Variants in HPSE2 observed in about 807,000 individuals in gnomAD.
HPSE2 encodes the protein heparanase 2 (inactive).
Under a neutral mutation model 60.5 loss-of-function variants are expected in HPSE2, and 38 were observed. The observed-to-expected ratio is 0.63, with a 90% CI of 0.48 to 0.82. HPSE2 has a LOEUF of 0.82. HPSE2 is among the 40% of genes least tolerant of loss of function. HPSE2 has a pLI of 0.00. For synonymous variants in HPSE2, 295 were observed against 293.2 expected (o/e 1.01, Z -0.06); for missense variants, 713 against 740.4 (o/e 0.96, Z 0.43).
chr10:98,537,354 G>T (rs908470911), intron 9 of HPSE2, among the ~76,000 whole-genome samples: 1 of 152,138 alleles, frequency 6.6e-6, no homozygotes, highest in Non-Finnish European at 1.5e-5. Context: ...GTGGGCGGAG[G>T]ATTACCTAGG....
At chr10:99,186,506 G>A (rs1160271022) in intron 2 of HPSE2, among the ~76,000 whole-genome samples, 1 of 121,078 alleles carries the variant, frequency 8.3e-6, no homozygotes, top group Non-Finnish European at 1.6e-5. Flanking sequence ...TTACGCCAGT[G>A]TACTCCAGCC....
the HPSE2 span, among the ~76,000 whole-genome samples, chr10:99,284,947 A>G: frequency 6.6e-6 from 1 of 152,194 alleles, no homozygotes; most frequent in African/African-American, 2.4e-5. Context: ...AGTGGGAGAA[A>G]ATATCTGCAA....
intron 2 of HPSE2, among the ~76,000 whole-genome samples, chr10:99,226,613 A>G (rs931108296): frequency 5.3e-5 from 8 of 152,018 alleles, no homozygotes; most frequent in African/African-American, 1.7e-4. Context: ...TGATAAAATG[A>G]TATCTGTCAA....
chr10:99,188,884 T>C (rs1848125099), intron 2 of HPSE2, among the ~76,000 whole-genome samples: 1 of 152,234 alleles, frequency 6.6e-6, no homozygotes, highest in African/African-American at 2.4e-5. Flanking sequence ...TCATGACTTC[T>C]CAGTCCTGAG....
chr10:99,314,226 C>T, the HPSE2 span, among the ~76,000 whole-genome samples: 1 of 152,096 alleles, frequency 6.6e-6, no homozygotes, highest in African/African-American at 2.4e-5. Context: ...GCAGTGCCAC[C>T]ATCTCAGGTC....
At chr10:98,814,641 C>T (rs7088754) in intron 3 of HPSE2, among the ~76,000 whole-genome samples, 113,325 of 152,054 alleles carry the variant, frequency 0.75, 42,927 homozygotes, top group Non-Finnish European at 0.83. Flanking sequence ...ACATTAAGGG[C>T]AGATACATCA....
the HPSE2 span, among the ~76,000 whole-genome samples, chr10:99,310,013 G>T: frequency 6.6e-6 from 1 of 152,160 alleles, no homozygotes; most frequent in Non-Finnish European, 1.5e-5. Context: ...AAAGCCCTAG[G>T]GGAAAATTCT....
intron 3 of HPSE2, among the ~76,000 whole-genome samples, chr10:98,862,721 C>A (rs866744856): frequency 2.0e-5 from 3 of 152,036 alleles, no homozygotes; most frequent in Non-Finnish European, 2.9e-5. Flanking sequence ...TAAGGAGGGG[C>A]GATTAGGACT....
chr10:99,213,130 C>T (rs1417067670), intron 2 of HPSE2, among the ~76,000 whole-genome samples: 4 of 151,898 alleles, frequency 2.6e-5, no homozygotes, highest in African/African-American at 4.8e-5. Flanking sequence ...TCATTATACT[C>T]GAACTAAAAG....
chr10:99,234,178 T>C lies in HPSE2; in HGVS notation c.290+1335A>G, dbSNP rs542264003. Among the ~76,000 whole-genome samples, 4 of 152,254 alleles carry C rather than the reference T, an allele frequency of 2.6e-5. No individual in the cohort carries two copies. In the East Asian group the frequency reaches 7.8e-4, roughly 30 times the overall value. On this transcript the variant is annotated intron_variant, in intron 1 of 11. Transcript: ENST00000370552. ...CCGCGCGGAGCTGGCTGTTCCGCCC[T>C]CGCGGCAACCGCACCAACAGGAACC...
chr10:99,002,921 T>C (rs1956808789), intron 3 of HPSE2, among the ~76,000 whole-genome samples: 2 of 152,072 alleles, frequency 1.3e-5, no homozygotes, highest in Non-Finnish European at 1.5e-5. Flanking sequence ...ACTCAATACA[T>C]TGTTATTACC....
chr10:98,471,321 A>C (rs753426528), intron 11 of HPSE2, among the ~76,000 whole-genome samples: 30 of 152,178 alleles, frequency 2.0e-4, no homozygotes, highest in Non-Finnish European at 3.7e-4. Context: ...ATTTTGGTTT[A>C]ATTGGCTGGG....
At chr10:98,518,680 C>T (rs946052791) in intron 9 of HPSE2, among the ~76,000 whole-genome samples, 1 of 148,186 alleles carries the variant, frequency 6.7e-6, no homozygotes, top group Admixed American at 6.9e-5. Context: ...GCACTCCAGC[C>T]TGGGCCACAG....
At chr10:99,072,919 C>G (rs1370221124) in intron 3 of HPSE2, among the ~76,000 whole-genome samples, 1 of 121,754 alleles carries the variant, frequency 8.2e-6, no homozygotes, top group East Asian at 2.3e-4. Flanking sequence ...CAGAGCCAGG[C>G]TCCGTCTCAA....
chr10:98,865,086 T>C (rs1360819662), intron 3 of HPSE2, among the ~76,000 whole-genome samples: 1 of 152,116 alleles, frequency 6.6e-6, no homozygotes, highest in Non-Finnish European at 1.5e-5. Context: ...AAAAGATTCT[T>C]AAGAGATGAT....
At chr10:98,543,921 A>G (rs11189659) in intron 9 of HPSE2, among the ~76,000 whole-genome samples, 129,537 of 150,572 alleles carry the variant, frequency 0.86, 56,697 homozygotes, top group East Asian at 1. Context: ...ACAGATCAAC[A>G]AAGACAGAAA....
the HPSE2 span, among the ~76,000 whole-genome samples, chr10:99,295,666 T>C: frequency 6.6e-6 from 1 of 152,224 alleles, no homozygotes; most frequent in Non-Finnish European, 1.5e-5. Flanking sequence ...CGATACACTT[T>C]GTTTTCAAAA....
chr10:99,303,446 C>A, the HPSE2 span, among the ~76,000 whole-genome samples: 1 of 152,112 alleles, frequency 6.6e-6, no homozygotes. Context: ...GCCCCCTCCC[C>A]AAAGGGAAAT....
intron 3 of HPSE2, among the ~76,000 whole-genome samples, chr10:99,130,088 G>T (rs1008471339): frequency 6.6e-6 from 1 of 151,778 alleles, no homozygotes; most frequent in Non-Finnish European, 1.5e-5. Context: ...GAAAGAAACA[G>T]AAACTCTAAA....
Sources: allele counts gnomAD v4.1 joint callset (sites outside exome capture counted in the v4.1 genomes callset), GRCh38; gene constraint gnomAD v4.1.1; transcripts MANE v1.5; gene names NCBI Gene and HGNC (gene_info 2026-07-23, HGNC 2026-07-21).